The following HELZ variants were observed in gnomAD, a reference collection of about 807,000 sequenced individuals.
The protein encoded by HELZ is ATP-dependent RNA helicase with zinc finger domain.
A neutral mutation model predicts 218.2 loss-of-function variants in HELZ; 23 were observed. That is an observed-to-expected ratio of 0.11 (90% CI 0.08 to 0.15). The LOEUF (loss-of-function observed/expected upper bound fraction) is 0.15. Among genes scored for constraint, HELZ ranks in the 10% least tolerant of loss-of-function variants. The pLI, the probability that HELZ is intolerant of heterozygous loss-of-function variation, is 1.00. For missense variants in HELZ, 1,813 were observed against 2,353.7 expected, an observed-to-expected ratio of 0.77 and a Z score of 4.75; for synonymous variants, 814 against 829.4, an observed-to-expected ratio of 0.98 and a Z score of 0.32.
rs774946377 is a variant in HELZ at position 67,245,110 on chromosome 17, C to T, written c.-132+38G>A. On this transcript the variant is annotated intron_variant, in intron 1 of 32. Coordinates refer to ENST00000358691, the MANE Select transcript of HELZ (RefSeq NM_014877.4). ...CGGAGAGCTCCGGGAGCTCGCGGAGCGGCCCCAGGAGCAGAGAAGGGGGAA... is the reference window on the plus strand; with the variant it reads ...CGGAGAGCTCCGGGAGCTCGCGGAGTGGCCCCAGGAGCAGAGAAGGGGGAA... 2.0e-5 allele frequency: 20 copies of T among 984,814 alleles called. 1 individual carries two copies. The highest frequency in any genetic ancestry group is 2.4e-5 in the Non-Finnish European group (20 of 829,634). 61.0% of individuals were successfully genotyped at this position (984,814 alleles called of 1,614,324 possible).
At chr17:67,101,249 A>G (rs1398014034) in intron 31 of HELZ, among the ~76,000 whole-genome samples, 1 of 152,218 alleles carries the variant, frequency 6.6e-6, no homozygotes, top group Non-Finnish European at 1.5e-5. Context: ...TTTCAAATAA[A>G]AAGCCAAGAA....
intron 13 of HELZ, among the ~76,000 whole-genome samples, chr17:67,169,368 T>A (rs1400547620): frequency 6.6e-6 from 1 of 152,168 alleles, no homozygotes; most frequent in Non-Finnish European, 1.5e-5. Flanking sequence ...CATATGGTGA[T>A]GGTCTTCAGG....
intron 13 of HELZ, among the ~76,000 whole-genome samples, chr17:67,168,550 A>T (rs1701170025): frequency 6.6e-6 from 1 of 152,252 alleles, no homozygotes; most frequent in Non-Finnish European, 1.5e-5. Context: ...TTACTTTCCA[A>T]GTAGATCTTA....
intron 5 of HELZ, among the ~76,000 whole-genome samples, chr17:67,214,561 C>T (rs755376559): frequency 6.6e-6 from 1 of 151,280 alleles, no homozygotes; most frequent in Non-Finnish European, 1.5e-5. Flanking sequence ...CCACCACGCC[C>T]GGCCTAATAC....
intron 3 of HELZ, among the ~76,000 whole-genome samples, chr17:67,223,584 C>A (rs1432497212): frequency 1.3e-5 from 2 of 151,964 alleles, no homozygotes; most frequent in African/African-American, 4.8e-5. Context: ...AACCCCGTCT[C>A]TATTAAAAAT....
rs1006097813 is a variant in HELZ, at chr17:67,203,434, T to A, written c.257A>T (p.Glu86Val). 1 of 1,613,872 alleles carries A rather than the reference T, an allele frequency of 6.2e-7. No individual in the cohort carries two copies. The highest frequency in any genetic ancestry group is 1.7e-5 in the Admixed American group (1 of 59,954). ...ADEDCRHVLG[E>V]GLAKGEDAFR... ...GGCATCTTCTCCCTTGGCCAGTCCT[T>A]CTCCCAGCACTGCCATGAAAGAACA... The change falls in exon 6 of 33, where the codon GAA becomes GTA. Residue 86 changes from glutamate to valine, a missense_variant. By Grantham distance (121) the Glu-to-Val change is moderately radical (BLOSUM62 -2). Coordinates refer to ENST00000358691, the MANE Select transcript of HELZ (RefSeq NM_014877.4).
intron 20 of HELZ, 57 bp from the exon 21 acceptor site, chr17:67,145,947 C>CA: frequency 1.3e-6 from 2 of 1,489,710 alleles, no homozygotes; most frequent in Admixed American, 2.3e-5. Flanking sequence ...ATTAATTTCA[C>CA]CCATAAGAAA....
At chr17:67,221,445 C>T (rs963497120) in intron 3 of HELZ, among the ~76,000 whole-genome samples, 2 of 152,164 alleles carry the variant, frequency 1.3e-5, no homozygotes, top group Non-Finnish European at 2.9e-5. Context: ...TACAGAACTC[C>T]CAGCCCACAT....
chr17:67,165,155 A>T (rs1008523532), intron 15 of HELZ, among the ~76,000 whole-genome samples: 1 of 152,254 alleles, frequency 6.6e-6, no homozygotes, highest in East Asian at 1.9e-4. Flanking sequence ...TACAGAGTGA[A>T]TAAGAAAGAA....
intron 12 of HELZ, among the ~76,000 whole-genome samples, chr17:67,179,435 C>A (rs563770549): frequency 6.6e-6 from 1 of 152,262 alleles, no homozygotes; most frequent in East Asian, 1.9e-4. Context: ...AAACAAAAAT[C>A]TTTTCGAAAA....
At chr17:67,138,393 A>AG (rs1354725616) in intron 21 of HELZ, among the ~76,000 whole-genome samples, 1 of 152,202 alleles carries the variant, frequency 6.6e-6, no homozygotes, top group Non-Finnish European at 1.5e-5. Flanking sequence ...GTTCCTGTGT[A>AG]GGGAGGAACA....
At chr17:67,086,693 T>C in intron 32 of HELZ, 136 bp downstream of exon 32, 1 of 578,286 alleles carries the variant, frequency 1.7e-6, no homozygotes, top group East Asian at 3.2e-5. Flanking sequence ...ATTGCACACC[T>C]ATGAGCTATT....
chr17:67,214,124 G>A (rs936368208), intron 5 of HELZ, among the ~76,000 whole-genome samples: 1 of 151,864 alleles, frequency 6.6e-6, no homozygotes. Context: ...AATTCCCATA[G>A]ATAGCAGGGA....
At chr17:67,205,636 G>GAAA (rs2040277193) in intron 5 of HELZ, among the ~76,000 whole-genome samples, 1 of 152,144 alleles carries the variant, frequency 6.6e-6, no homozygotes, top group Non-Finnish European at 1.5e-5. Context: ...AAAAATGTTT[G>GAAA]CAGGAATGAA....
At chr17:67,088,461 A>C (rs2036459766) in intron 31 of HELZ, among the ~76,000 whole-genome samples, 1 of 152,224 alleles carries the variant, frequency 6.6e-6, no homozygotes. Context: ...AAATGTGAAA[A>C]TTGTGGGGGT....
rs192733931 is a variant in HELZ, at chr17:67,192,806, G to A, written c.557+1161C>T. On this transcript the variant is annotated intron_variant, in intron 9 of 32. Coordinates refer to ENST00000358691, the MANE Select transcript of HELZ (RefSeq NM_014877.4). ...GTTACAAGTTCTTACAAAAAGAACCGAAGAGTTTACCATTTTAACTGTAAC... is the reference window on the plus strand; with the variant it reads ...GTTACAAGTTCTTACAAAAAGAACCAAAGAGTTTACCATTTTAACTGTAAC... Among the ~76,000 whole-genome samples, 1,114 of 152,186 alleles carry A rather than the reference G, an allele frequency of 7.3e-3. 34 individuals are homozygous for A. Among genetic ancestry groups the A allele is most frequent in the Admixed American group, 0.052 (790 of 15,290 alleles).
At chr17:67,190,569 G>T (rs1015795747) in intron 9 of HELZ, among the ~76,000 whole-genome samples, 16 of 152,136 alleles carry the variant, frequency 1.1e-4, no homozygotes, top group African/African-American at 3.1e-4. Flanking sequence ...ATTATTCACT[G>T]ACTTTCTCTG....
At chr17:67,162,034 G>A (rs2039007134) in intron 15 of HELZ, among the ~76,000 whole-genome samples, 1 of 152,186 alleles carries the variant, frequency 6.6e-6, no homozygotes, top group Non-Finnish European at 1.5e-5. Context: ...ACAGAGTTTA[G>A]ACAGGAAAAT....
chr17:67,111,548 C>T (rs537014587), intron 28 of HELZ, among the ~76,000 whole-genome samples: 5 of 152,168 alleles, frequency 3.3e-5, no homozygotes, highest in African/African-American at 4.8e-5. Flanking sequence ...TGAGTTGCAG[C>T]TGGGGTACAC....
Sources: gnomAD v4.1 joint callset for allele counts (sites outside exome capture counted in the v4.1 genomes callset) on GRCh38, gnomAD v4.1.1 for gene constraint, MANE v1.5 for transcripts, NCBI Gene and HGNC (gene_info 2026-07-23, HGNC 2026-07-21) for gene names.